Variants in DEPTOR observed in about 807,000 individuals in gnomAD.
DEPTOR encodes DEP domain containing MTOR interacting protein.
DEPTOR carries 41 observed loss-of-function variants against 41.6 expected under a neutral mutation model. The ratio of observed to expected loss-of-function variants is 0.98; its 90% CI spans 0.77 to 1.28. The LOEUF is 1.28. Among genes scored for constraint, DEPTOR ranks in the 50% most tolerant of loss-of-function variants. The probability of loss-of-function intolerance (pLI) is 0.00; values close to 1 mark genes in which losing one functional copy is unlikely to be tolerated. For missense variants in DEPTOR, 514 were observed against 527.9 expected, an observed-to-expected ratio of 0.97 and a Z score of 0.26; for synonymous variants, 195 against 192.3, an observed-to-expected ratio of 1.01 and a Z score of -0.12.
intron 1 of DEPTOR, among the ~76,000 whole-genome samples, chr8:119,887,048 C>T (rs905855635): frequency 1.3e-5 from 2 of 150,610 alleles, no homozygotes; most frequent in African/African-American, 2.4e-5. Flanking sequence ...GACCTAAAAC[C>T]ACATTATATT....
At chr8:119,875,463 G>T (rs1827219525) in intron 1 of DEPTOR, among the ~76,000 whole-genome samples, 1 of 152,192 alleles carries the variant, frequency 6.6e-6, no homozygotes. Context: ...TGAAGGAGCA[G>T]GAGGGTGTCT....
At chr8:119,917,997 TG>T (rs1827836583) in intron 1 of DEPTOR, among the ~76,000 whole-genome samples, 1 of 152,216 alleles carries the variant, frequency 6.6e-6, no homozygotes, top group Non-Finnish European at 1.5e-5. Flanking sequence ...CAGAGAACTT[TG>T]TTCATGTGTT....
At chr8:120,008,957 T>C (rs1182035263) in intron 7 of DEPTOR, 72 bp from the exon 8 acceptor site, 2 of 1,459,456 alleles carry the variant, frequency 1.4e-6, no homozygotes, top group African/African-American at 2.8e-5. Flanking sequence ...GGGCTGGTTT[T>C]CTCTCCCTCA....
In DEPTOR at chr8:120,001,506, T is replaced by G. The variant is rs756719223; in HGVS notation, c.605-19T>G. The G allele has an allele frequency of 6.4e-6, 7 of 1,085,354 alleles. No individual in the cohort carries two copies. In the Admixed American group the frequency reaches 1.1e-4, roughly 17 times the overall value. The allele number at this position is 1,085,354 out of a possible 1,614,324, so 67.2% of individuals were successfully genotyped here. On this transcript the variant is annotated intron_variant, in intron 4 of 8. Coordinates refer to ENST00000286234, the MANE Select transcript of DEPTOR (RefSeq NM_022783.4). ...GATGCCAGATAGTCCTCATTGGTTGTTTTTTTTTTTCTCCCCAGTGTCCAA... is the reference window on the plus strand; with the variant it reads ...GATGCCAGATAGTCCTCATTGGTTGGTTTTTTTTTTCTCCCCAGTGTCCAA...
chr8:120,026,234 G>C (rs1462438624), intron 8 of DEPTOR, among the ~76,000 whole-genome samples: 3 of 151,798 alleles, frequency 2.0e-5, no homozygotes, highest in African/African-American at 7.3e-5. Context: ...GTGGATTGCT[G>C]TAGCAGTGTG....
chr8:119,967,423 G>A (rs1050816682), intron 4 of DEPTOR, among the ~76,000 whole-genome samples: 4 of 151,470 alleles, frequency 2.6e-5, no homozygotes, highest in African/African-American at 9.8e-5. Flanking sequence ...ACGTAGGTCA[G>A]ATAATTTCTT....
At chr8:119,903,407 AT>A (rs966613439) in intron 1 of DEPTOR, among the ~76,000 whole-genome samples, 8 of 151,954 alleles carry the variant, frequency 5.3e-5, no homozygotes, top group African/African-American at 1.9e-4. Flanking sequence ...CAAAAATACT[AT>A]TTTTTTGCCC....
In DEPTOR at chr8:120,028,317, G is replaced by A. The variant is rs533437286; in HGVS notation, c.1101+19184G>A. On this transcript the variant is annotated intron_variant, in intron 8 of 8. Coordinates refer to ENST00000286234, the MANE Select transcript of DEPTOR (RefSeq NM_022783.4). ...ATTACAGACATGAGCCACTACGCCT[G>A]GCCTAAATGATGTACTTTTGACATT... 4.0e-5 allele frequency among the ~76,000 whole-genome samples: 6 copies of A among 151,114 alleles called. No homozygotes were observed. In the South Asian group the frequency reaches 1.3e-3, roughly 32 times the overall value.
chr8:119,974,477 A>G (rs1302671155), intron 4 of DEPTOR, among the ~76,000 whole-genome samples: 1 of 152,068 alleles, frequency 6.6e-6, no homozygotes, highest in Non-Finnish European at 1.5e-5. Context: ...ATAGATCTCA[A>G]AAGAGTAGTT....
intron 1 of DEPTOR, among the ~76,000 whole-genome samples, chr8:119,890,119 T>C (rs1827432844): frequency 6.6e-6 from 1 of 151,916 alleles, no homozygotes; most frequent in South Asian, 2.1e-4. Flanking sequence ...CATGGGCCGC[T>C]ACACCCAGCT....
At chr8:119,910,484 G>A (rs190459509) in intron 1 of DEPTOR, among the ~76,000 whole-genome samples, 11 of 151,520 alleles carry the variant, frequency 7.3e-5, no homozygotes, top group South Asian at 2.1e-4. Flanking sequence ...ACAGAGTCCC[G>A]CTCTGTCCCC....
chr8:119,934,662 G>A (rs982163782), intron 3 of DEPTOR, among the ~76,000 whole-genome samples: 2 of 152,220 alleles, frequency 1.3e-5, no homozygotes, highest in African/African-American at 2.4e-5. Context: ...CCTAGGAAAT[G>A]TTAGCTGTTG....
chr8:120,014,234 T>G (rs1812575408), intron 8 of DEPTOR, among the ~76,000 whole-genome samples: 1 of 152,204 alleles, frequency 6.6e-6, no homozygotes, highest in South Asian at 2.1e-4. Context: ...CATCAAGAAG[T>G]TGTTTCCTGC....
At chr8:120,049,462 A>C in intron 8 of DEPTOR, 114 bp from the exon 9 acceptor site, 1 of 1,282,976 alleles carries the variant, frequency 7.8e-7, no homozygotes, top group Non-Finnish European at 1.0e-6. Context: ...AGCTGGATAC[A>C]TTTGGATATT....
chr8:119,932,250 A>G (rs151317894), intron 3 of DEPTOR, among the ~76,000 whole-genome samples: 53 of 152,134 alleles, frequency 3.5e-4, no homozygotes, highest in African/African-American at 9.9e-4. Flanking sequence ...CTCTCAAAGC[A>G]CTGGGACTAC....
intron 1 of DEPTOR, among the ~76,000 whole-genome samples, chr8:119,906,454 T>G (rs1180715832): frequency 6.6e-6 from 1 of 151,636 alleles, no homozygotes; most frequent in Non-Finnish European, 1.5e-5. Context: ...AGACCCTGAC[T>G]CAAAAGAAAA....
chr8:120,004,150 G>A (rs1812397962), intron 6 of DEPTOR, among the ~76,000 whole-genome samples: 1 of 152,208 alleles, frequency 6.6e-6, no homozygotes, highest in South Asian at 2.1e-4. Context: ...TTTCATGTTA[G>A]TAAGAATAAG....
At chr8:119,891,612 T>C (rs1827453183) in intron 1 of DEPTOR, among the ~76,000 whole-genome samples, 1 of 152,138 alleles carries the variant, frequency 6.6e-6, no homozygotes, top group Admixed American at 6.5e-5. Flanking sequence ...CCCCAAACCA[T>C]TCCCTTACTT....
chr8:119,944,765 C>T (rs1462520915), intron 3 of DEPTOR, among the ~76,000 whole-genome samples: 1 of 151,754 alleles, frequency 6.6e-6, no homozygotes, highest in East Asian at 1.9e-4. Flanking sequence ...AGCAATTCTC[C>T]TGCCTCAGCC....
Sources: allele counts gnomAD v4.1 joint callset (sites outside exome capture counted in the v4.1 genomes callset), GRCh38; gene constraint gnomAD v4.1.1; transcripts MANE v1.5; gene names NCBI Gene and HGNC (gene_info 2026-07-23, HGNC 2026-07-21).